The following PACRGL variants were observed in gnomAD, a reference collection of about 807,000 sequenced individuals.
PACRGL encodes parkin coregulated like.
Under a neutral mutation model 34.5 loss-of-function variants are expected in PACRGL, and 38 were observed. The ratio of observed to expected loss-of-function variants is 1.10; its 90% CI spans 0.85 to 1.44. PACRGL has a LOEUF of 1.44. Among genes scored for constraint, PACRGL ranks in the 40% most tolerant of loss-of-function variants. The pLI is 0.00. For synonymous variants in PACRGL, 128 were observed against 100.1 expected, an observed-to-expected ratio of 1.28 and a Z score of -1.66; for missense variants, 305 against 281.4, an observed-to-expected ratio of 1.08 and a Z score of -0.60.
At chr4:20,734,611 G>T, downstream of PACRGL, 1 of 1,074,646 alleles carries the variant, frequency 9.3e-7, no homozygotes, top group Non-Finnish European at 1.3e-6. Context: ...CTGTGATGTT[G>T]GTGAGGCATC....
At chr4:20,755,226 A>G (rs1188527470), downstream of PACRGL, among the ~76,000 whole-genome samples, 3 of 152,146 alleles carry the variant, frequency 2.0e-5, no homozygotes, top group Non-Finnish European at 4.4e-5. Flanking sequence ...TTCTAATTTA[A>G]TTCTTTTAAA....
Position 20,729,297 on chromosome 4 carries a change from C to T in PACRGL, c.*1956C>T, listed in dbSNP as rs1747120337. The T allele has an allele frequency of 6.6e-6, 1 of 152,034 alleles. No individual in the cohort carries two copies. The highest frequency in any genetic ancestry group is 2.2e-4 in the South Asian group (1 of 4,534). The allele number at this position is 152,034 out of a possible 1,614,324, so 9.4% of individuals were successfully genotyped here. A position where few individuals can be genotyped will look rare whatever the true frequency, so the allele number is the denominator to read the frequency against. ...ACATCCTTGTTTTGTTTGATGCCTT[C>T]TTCAACTTCCACTTAATGATTGATA... On this transcript the variant is annotated 3_prime_UTR_variant, in exon 9 of 9. Transcript: ENST00000503585.
chr4:20,725,376 C>CACAT (rs748485471), intron 8 of PACRGL, among the ~76,000 whole-genome samples: 1 of 151,556 alleles, frequency 6.6e-6, no homozygotes, highest in African/African-American at 2.4e-5. Context: ...CACACACACA[C>CACAT]GGACACATAT....
chr4:20,750,316 T>G (rs1753375183), intron 8 of PACRGL, among the ~76,000 whole-genome samples: 1 of 152,116 alleles, frequency 6.6e-6, no homozygotes, highest in Non-Finnish European at 1.5e-5. Flanking sequence ...AGTACCAGGC[T>G]AGCCCACAGG....
At chr4:20,740,630 G>A (rs1378786961) in intron 8 of PACRGL, among the ~76,000 whole-genome samples, 2 of 152,202 alleles carry the variant, frequency 1.3e-5, no homozygotes, top group African/African-American at 2.4e-5. Context: ...ATGCCAAATT[G>A]TAAAGACCAT....
intron 1 of PACRGL, 97 bp from the exon 2 acceptor site, chr4:20,704,369 C>T (rs544985749): frequency 9.1e-7 from 1 of 1,099,812 alleles, no homozygotes; most frequent in East Asian, 2.6e-5. Context: ...GTGTCTTTTA[C>T]TGTATTGTAT....
Position 20,712,716 on chromosome 4 carries a change from A to G in PACRGL, c.367-72A>G, listed in dbSNP as rs1464908793. ...ATTTTTGATTTTTGTTTAAGCAAGTAAAGACTCAATTTTTCTGTTATTAGC... is the reference window on the plus strand; with the variant it reads ...ATTTTTGATTTTTGTTTAAGCAAGTGAAGACTCAATTTTTCTGTTATTAGC... On this transcript the variant is annotated intron_variant, in intron 5 of 8. Coordinates refer to ENST00000503585, the MANE Select transcript of PACRGL (RefSeq NM_001258345.3). The G allele has an allele frequency of 5.4e-6, 7 of 1,285,724 alleles. No homozygotes were observed. In the African/African-American group the frequency reaches 9.2e-5, roughly 17 times the overall value. The allele number at this position is 1,285,724 out of a possible 1,614,324, so 79.6% of individuals were successfully genotyped here.
rs1213251957 is a variant in PACRGL at position 20,730,558 on chromosome 4, A to AGAT, written c.*3218_*3220dup. Among the ~76,000 whole-genome samples, 2 of 152,014 alleles carry AGAT rather than the reference A, an allele frequency of 1.3e-5. No individual in the cohort carries two copies. Among genetic ancestry groups the AGAT allele is most frequent in the Non-Finnish European group, 2.9e-5 (2 of 68,036 alleles). On this transcript the variant is annotated 3_prime_UTR_variant, in exon 9 of 9. Coordinates refer to ENST00000503585, the MANE Select transcript of PACRGL (RefSeq NM_001258345.3). ...GTGTGTATGAGCCAGCAGTTCATGA[A>AGAT]GATTGGAGGCTGGCGCATAGGAGGC...
At chr4:20,711,002 A>T (rs1458801169) in intron 5 of PACRGL, among the ~76,000 whole-genome samples, 2 of 152,114 alleles carry the variant, frequency 1.3e-5, no homozygotes, top group Non-Finnish European at 2.9e-5. Flanking sequence ...AGCCTGACCT[A>T]CATAGGGAGA....
chr4:20,741,574 G>A (rs1380957252), intron 8 of PACRGL, among the ~76,000 whole-genome samples: 2 of 152,194 alleles, frequency 1.3e-5, no homozygotes, highest in East Asian at 3.9e-4. Flanking sequence ...AAAGCAGTGT[G>A]TAGAGGGAAA....
At chr4:20,758,406 A>C in the PACRGL span, among the ~76,000 whole-genome samples, 9 of 152,200 alleles carry the variant, frequency 5.9e-5, no homozygotes, top group Non-Finnish European at 1.0e-4. Flanking sequence ...GCCCTGAGCA[A>C]ACCATTTACC....
intron 5 of PACRGL, chr4:20,712,549 C>T (rs1313979789): frequency 3.7e-5 from 12 of 328,694 alleles, no homozygotes; most frequent in African/African-American, 8.5e-5. Flanking sequence ...TTAGTATCCA[C>T]GGGTTTTGGT....
chr4:20,750,411 A>C (rs978220774), intron 8 of PACRGL, among the ~76,000 whole-genome samples: 1 of 152,086 alleles, frequency 6.6e-6, no homozygotes, highest in Non-Finnish European at 1.5e-5. Context: ...GTGGTCCTAC[A>C]TGTTCCTAGT....
Position 20,727,472 on chromosome 4 carries a change from C to G in PACRGL, c.*131C>G. The G allele has an allele frequency of 1.5e-6, 1 of 668,826 alleles. No individual in the cohort carries two copies. 41.4% of individuals were successfully genotyped at this position (668,826 alleles called of 1,614,324 possible). A position where few individuals can be genotyped will look rare whatever the true frequency, so the allele number is the denominator to read the frequency against. ...TATTTACTAGGTTAAGATGAATAGA[C>G]ACTGAATCAAAGTTATTCATCAACA... is the stretch of plus-strand genomic sequence containing the variant. On this transcript the variant is annotated 3_prime_UTR_variant, in exon 9 of 9. Coordinates refer to ENST00000503585, the MANE Select transcript of PACRGL (RefSeq NM_001258345.3).
At chr4:20,742,632 T>C (rs903888417) in intron 8 of PACRGL, among the ~76,000 whole-genome samples, 1 of 152,086 alleles carries the variant, frequency 6.6e-6, no homozygotes, top group Non-Finnish European at 1.5e-5. Context: ...AAAACTGGAC[T>C]CATTCCCTTT....
At position 20,729,332 on chromosome 4, in the gene PACRGL, G is replaced by GATAC. The variant is rs1747142156; in HGVS notation, c.*1993_*1996dup. On this transcript the variant is annotated 3_prime_UTR_variant, in exon 9 of 9. Coordinates refer to ENST00000503585, the MANE Select transcript of PACRGL (RefSeq NM_001258345.3). ...CACTTAATGATTGATACTAATGATT[G>GATAC]ATACAATAGAAAACAGCCTGTAAGA... The GATAC allele has an allele frequency of 6.6e-6, 1 of 151,432 alleles. No homozygotes were observed. Among genetic ancestry groups the GATAC allele is most frequent in the Non-Finnish European group, 1.5e-5 (1 of 67,934 alleles). The allele number at this position is 151,432 out of a possible 1,614,324, so 9.4% of individuals were successfully genotyped here.
chr4:20,755,252 A>G (rs1040611963), downstream of PACRGL, among the ~76,000 whole-genome samples: 4 of 152,230 alleles, frequency 2.6e-5, no homozygotes, highest in African/African-American at 9.6e-5. Context: ...ACCGAAAACA[A>G]AAATTTGTTT....
At chr4:20,707,966 A>G in intron 4 of PACRGL, 96 bp downstream of exon 4, 1 of 919,242 alleles carries the variant, frequency 1.1e-6, no homozygotes. Flanking sequence ...AGTTTTATTT[A>G]CTAGTGAGGT....
chr4:20,755,171 A>C (rs533099762), downstream of PACRGL, among the ~76,000 whole-genome samples: 1 of 152,166 alleles, frequency 6.6e-6, no homozygotes, highest in Non-Finnish European at 1.5e-5. Context: ...CATCCAAAGT[A>C]TATCCAAATT....
Sources: gnomAD v4.1 joint callset for allele counts (sites outside exome capture counted in the v4.1 genomes callset) on GRCh38, gnomAD v4.1.1 for gene constraint, MANE v1.5 for transcripts, NCBI Gene and HGNC (gene_info 2026-07-23, HGNC 2026-07-21) for gene names.